The following ETFDH variants were observed in gnomAD, a reference collection of about 807,000 sequenced individuals.
ETFDH encodes the protein electron transfer flavoprotein dehydrogenase.
ETFDH carries 61 observed loss-of-function variants against 73.2 expected under a neutral mutation model. The observed-to-expected ratio is 0.83, with a 90% CI of 0.68 to 1.03. The LOEUF (loss-of-function observed/expected upper bound fraction) is 1.03. Among genes scored for constraint, ETFDH ranks in the 50% least tolerant of loss-of-function variants. ETFDH has a pLI of 0.00. For missense variants in ETFDH, 685 were observed against 745.0 expected, an observed-to-expected ratio of 0.92 and a Z score of 0.94; for synonymous variants, 243 against 253.3, an observed-to-expected ratio of 0.96 and a Z score of 0.39.
At chr4:158,684,235 C>G (rs1335179540) in intron 3 of ETFDH, among the ~76,000 whole-genome samples, 3 of 152,012 alleles carry the variant, frequency 2.0e-5, no homozygotes, top group Non-Finnish European at 4.4e-5. Flanking sequence ...ACTAAAAATA[C>G]AAAAATTAGC....
intron 2 of ETFDH, chr4:158,681,612 A>C (rs1773861504): frequency 6.5e-6 from 1 of 153,476 alleles, no homozygotes; most frequent in Non-Finnish European, 1.4e-5. Context: ...AGTTCTATTC[A>C]TGGTAAGTAC....
At chr4:158,676,225 G>C (rs1002708449) in intron 1 of ETFDH, among the ~76,000 whole-genome samples, 2 of 152,160 alleles carry the variant, frequency 1.3e-5, no homozygotes, top group Non-Finnish European at 2.9e-5. Context: ...GGTCAGGTCA[G>C]AGGTGAAATC....
Position 158,672,344 on chromosome 4 carries a change from T to A in ETFDH, c.-113T>A, listed in dbSNP as rs1206734113. On this transcript the variant is annotated 5_prime_UTR_variant, in exon 1 of 13. Coordinates refer to ENST00000511912, the MANE Select transcript of ETFDH (RefSeq NM_004453.4). ...GCGGGGAGGCGAACTGCAGCAGAGT[T>A]CTTGCTTTCCGGCAGGTGATGGCGC... is the stretch of plus-strand genomic sequence containing the variant. 1 of 1,075,288 alleles carries A rather than the reference T, an allele frequency of 9.3e-7. No individual in the cohort carries two copies. 66.6% of individuals were successfully genotyped at this position (1,075,288 alleles called of 1,614,324 possible).
chr4:158,695,710 G>A, intron 7 of ETFDH, 67 bp downstream of exon 7: 1 of 1,105,654 alleles, frequency 9.0e-7, no homozygotes, highest in Non-Finnish European at 1.4e-6. Context: ...GTATTATCAG[G>A]TAGTTTATAA....
intron 10 of ETFDH, among the ~76,000 whole-genome samples, chr4:158,704,905 G>A (rs1019465560): frequency 3.3e-5 from 5 of 152,182 alleles, no homozygotes; most frequent in East Asian, 1.9e-4. Flanking sequence ...ATGGAGTGCA[G>A]TGGCTGGGTA....
At chr4:158,703,705 A>G in intron 10 of ETFDH, 114 bp downstream of exon 10, 4 of 702,460 alleles carry the variant, frequency 5.7e-6, no homozygotes, top group Non-Finnish European at 1.0e-5. Context: ...ATTAATAAGC[A>G]TGCTATGCAA....
At chr4:158,702,859 G>A (rs946742439) in intron 9 of ETFDH, among the ~76,000 whole-genome samples, 2 of 152,032 alleles carry the variant, frequency 1.3e-5, no homozygotes, top group African/African-American at 2.4e-5. Context: ...GGGTCATATG[G>A]GTAGTTCTAT....
intron 1 of ETFDH, among the ~76,000 whole-genome samples, chr4:158,675,783 A>C (rs912708411): frequency 3.9e-5 from 6 of 152,074 alleles, no homozygotes; most frequent in Non-Finnish European, 5.9e-5. Flanking sequence ...AAAAAAAAAA[A>C]AAGTCAGCTA....
intron 3 of ETFDH, 75 bp from the exon 4 acceptor site, chr4:158,684,517 T>A: frequency 1.2e-6 from 1 of 847,504 alleles, no homozygotes; most frequent in Non-Finnish European, 2.0e-6. Context: ...GAGTACATTT[T>A]ATAGTTTTTT....
At chr4:158,708,147 C>A (rs1028776021) in intron 12 of ETFDH, among the ~76,000 whole-genome samples, 2 of 152,152 alleles carry the variant, frequency 1.3e-5, no homozygotes, top group African/African-American at 2.4e-5. Flanking sequence ...GATAGTGAGA[C>A]AACTCAGCTG....
intron 5 of ETFDH, among the ~76,000 whole-genome samples, chr4:158,689,483 AT>A (rs1774098536): frequency 6.6e-6 from 1 of 150,916 alleles, no homozygotes; most frequent in South Asian, 2.1e-4. Context: ...TCAACAGATT[AT>A]TGATCTCTTT....
At chr4:158,677,968 T>A (rs1247706009) in intron 1 of ETFDH, among the ~76,000 whole-genome samples, 2 of 152,338 alleles carry the variant, frequency 1.3e-5, no homozygotes, top group African/African-American at 4.8e-5. Context: ...AAATATAGGG[T>A]TTGATCTTTC....
intron 9 of ETFDH, 121 bp from the exon 10 acceptor site, chr4:158,703,302 C>T (rs916453348): frequency 5.4e-6 from 4 of 739,160 alleles, no homozygotes; most frequent in African/African-American, 5.2e-5. Context: ...AATTCATTTT[C>T]ATGTATTTAT....
chr4:158,674,059 G>A (rs965151447), intron 1 of ETFDH, among the ~76,000 whole-genome samples: 1 of 152,250 alleles, frequency 6.6e-6, no homozygotes, highest in East Asian at 1.9e-4. Flanking sequence ...AAGAAAATCA[G>A]TAGCTATACA....
At chr4:158,676,592 G>C (rs1773716812) in intron 1 of ETFDH, among the ~76,000 whole-genome samples, 1 of 152,218 alleles carries the variant, frequency 6.6e-6, no homozygotes, top group South Asian at 2.1e-4. Flanking sequence ...AACTCCCAAA[G>C]TTAGTTCAGC....
At chr4:158,707,810 C>A (rs1201802799) in intron 12 of ETFDH, among the ~76,000 whole-genome samples, 1 of 152,186 alleles carries the variant, frequency 6.6e-6, no homozygotes, top group African/African-American at 2.4e-5. Flanking sequence ...AAATCCTATG[C>A]TGAGGTTGCT....
chr4:158,673,963 A>T (rs1580388741), intron 1 of ETFDH, among the ~76,000 whole-genome samples: 1 of 152,168 alleles, frequency 6.6e-6, no homozygotes, highest in East Asian at 1.9e-4. Flanking sequence ...GAGATATCAG[A>T]TGTGTTTTCA....
intron 1 of ETFDH, 25 bp from the exon 2 acceptor site, chr4:158,680,439 GATA>G (rs751894183): frequency 1.9e-6 from 3 of 1,567,010 alleles, no homozygotes; most frequent in African/African-American, 2.7e-5. Context: ...TTTTAAGGAA[GATA>G]ATAATTTTCG....
At chr4:158,689,636 A>ATATATATATGTATT (rs765147554) in intron 5 of ETFDH, among the ~76,000 whole-genome samples, 1 of 63,666 alleles carries the variant, frequency 1.6e-5, no homozygotes, top group African/African-American at 6.1e-5. Context: ...ATATATATAT[A>ATATATATATGTATT]TTGTGGGGGG....
Sources: allele counts gnomAD v4.1 joint callset (sites outside exome capture counted in the v4.1 genomes callset), GRCh38; gene constraint gnomAD v4.1.1; transcripts MANE v1.5; gene names NCBI Gene and HGNC (gene_info 2026-07-23, HGNC 2026-07-21).